The following OR56A1 variants were observed in gnomAD, a reference collection of about 807,000 sequenced individuals.
The protein encoded by OR56A1 is olfactory receptor family 56 subfamily A member 1.
For synonymous variants in OR56A1, 174 were observed against 159.1 expected (o/e 1.09, Z -0.70); for missense variants, 360 against 380.9 (o/e 0.94, Z 0.46).
chr11:6,033,460 T>A (rs1245091804), upstream of OR56A1, among the ~76,000 whole-genome samples: 1 of 151,282 alleles, frequency 6.6e-6, no homozygotes, highest in Non-Finnish European at 1.5e-5. Flanking sequence ...TGATGTGTAT[T>A]AATTTAATGT....
Position 6,019,954 on chromosome 11 carries a change from G to A in OR56A1, c.*6794C>T, listed in dbSNP as rs1268141243. On this transcript the variant is annotated 3_prime_UTR_variant, in exon 2 of 2. Coordinates refer to ENST00000641900, the MANE Select transcript of OR56A1 (RefSeq NM_001388488.1). ...AGGGATAAGCATAGGTTTAAGGAAA[G>A]TCTCTCAACCTCTTTCTTAAATAGG... is the stretch of plus-strand genomic sequence containing the variant. 1 of 152,094 alleles carries A rather than the reference G, an allele frequency of 6.6e-6. No homozygotes were observed. The highest frequency in any genetic ancestry group is 2.1e-4 in the South Asian group (1 of 4,830). The allele number at this position is 152,094 out of a possible 1,614,324, so 9.4% of individuals were successfully genotyped here. A position where few individuals can be genotyped will look rare whatever the true frequency, so the allele number is the denominator to read the frequency against.
In OR56A1 at chr11:6,026,813, C is replaced by A. The variant is rs758155249; in HGVS notation, c.880G>T (p.Val294Leu). The part of the protein sequence containing the change: ...HLIPPALNPI[V>L]YGVRTKEIKQ... ...ATCTCTTTGGTCCGAACCCCATACA[C>A]AATAGGGTTCAATGCAGGAGGAATA... Residue 294 changes from valine to leucine, a missense_variant, in exon 2 of 2, where the codon GTG becomes TTG. Physicochemically the swap from Val to Leu is conservative, Grantham distance 32 (BLOSUM62 1). Transcript: ENST00000641900. 22 of 1,613,730 alleles carry A rather than the reference C, an allele frequency of 1.4e-5. No homozygotes were observed. The Admixed American group carries it at 3.5e-4, about 26-fold the overall frequency.
In OR56A1 at chr11:6,024,720, C is replaced by A. The variant is rs1401019074; in HGVS notation, c.*2028G>T. On this transcript the variant is annotated 3_prime_UTR_variant, in exon 2 of 2. Transcript: ENST00000641900. Reference sequence around the variant, plus strand: ...CATTATAAGTATTATTTTAGAAAATCAGTGGTGAAGTTGGCCTTTATATCA... The same window carrying A: ...CATTATAAGTATTATTTTAGAAAATAAGTGGTGAAGTTGGCCTTTATATCA... The A allele has an allele frequency of 1.3e-5, 2 of 152,086 alleles. No homozygotes were observed. Among genetic ancestry groups the A allele is most frequent in the Non-Finnish European group, 1.5e-5 (1 of 68,022 alleles). The allele number at this position is 152,086 out of a possible 1,614,324, so 9.4% of individuals were successfully genotyped here.
chr11:6,028,506 G>A (rs1335399464), intron 1 of OR56A1, among the ~76,000 whole-genome samples: 1 of 151,928 alleles, frequency 6.6e-6, no homozygotes, highest in African/African-American at 2.4e-5. Flanking sequence ...CCACGTCATG[G>A]AGAAAGTAGA....
upstream of OR56A1, among the ~76,000 whole-genome samples, chr11:6,033,592 G>A (rs1485548321): frequency 6.6e-6 from 1 of 151,608 alleles, no homozygotes; most frequent in Non-Finnish European, 1.5e-5. Context: ...TTGGCAAACT[G>A]AGACACAGTC....
Position 6,028,284 on chromosome 11 carries a change from G to A in OR56A1, c.-34-558C>T, listed in dbSNP as rs147727010. On this transcript the variant is annotated intron_variant, in intron 1 of 1. Transcript: ENST00000641900. Reference sequence around the variant, plus strand: ...ACAACCTGAGCCTGAACATCCTAGTGCTCCTGGAATAAAACTGAAAAAAAA... The same window carrying A: ...ACAACCTGAGCCTGAACATCCTAGTACTCCTGGAATAAAACTGAAAAAAAA... Among the ~76,000 whole-genome samples the A allele has an allele frequency of 3.6e-3, 536 of 150,344 alleles. 4 individuals carry two copies. Among genetic ancestry groups the A allele is most frequent in the African/African-American group, 0.013 (511 of 40,868 alleles).
Position 6,023,379 on chromosome 11 carries a change from C to T in OR56A1, c.*3369G>A, listed in dbSNP as rs1014118322. The T allele has an allele frequency of 3.3e-5, 5 of 152,188 alleles. No individual in the cohort carries two copies. Among genetic ancestry groups the T allele is most frequent in the Non-Finnish European group, 5.9e-5 (4 of 68,020 alleles). 9.4% of individuals were successfully genotyped at this position (152,188 alleles called of 1,614,324 possible). A position where few individuals can be genotyped will look rare whatever the true frequency, so the allele number is the denominator to read the frequency against. ...AATGGAAAGTGTAGTATTGTTCCCT[C>T]AACAATACTTAGGTGTTTGTTTTGA... On this transcript the variant is annotated 3_prime_UTR_variant, in exon 2 of 2. Transcript: ENST00000641900.
chr11:6,033,027 T>C (rs148579934), upstream of OR56A1, among the ~76,000 whole-genome samples: 642 of 152,168 alleles, frequency 4.2e-3, 14 homozygotes, highest in Admixed American at 0.039. Flanking sequence ...TTGTTTGACA[T>C]AATCTTCATA....
intron 1 of OR56A1, among the ~76,000 whole-genome samples, chr11:6,030,352 A>G (rs985181403): frequency 6.6e-6 from 1 of 151,854 alleles, no homozygotes; most frequent in East Asian, 1.9e-4. Context: ...CTTGAACTTC[A>G]TGAGACCATA....
Position 6,027,073 on chromosome 11 carries a change from C to T in OR56A1, c.620G>A (p.Trp207Ter). ...LNRIYQFVAG[W>*]TLLGSDLFLI... is the part of the protein sequence containing the mutation. Reference sequence around the variant, plus strand: ...GAATAAATCTGAGCCCAGCAAGGTCCAACCAGCCACAAATTGGTAGATTCT... The same window carrying T: ...GAATAAATCTGAGCCCAGCAAGGTCTAACCAGCCACAAATTGGTAGATTCT... The change falls in exon 2 of 2, where the codon TGG (tryptophan) becomes TAG (stop). Residue 207 changes from tryptophan to a stop codon, truncating the protein, a stop_gained. Coordinates refer to ENST00000641900, the MANE Select transcript of OR56A1 (RefSeq NM_001388488.1). LOFTEE classifies it low-confidence loss of function (END_TRUNC). The T allele has an allele frequency of 3.7e-6, 6 of 1,614,166 alleles. No homozygotes were observed. Among genetic ancestry groups the T allele is most frequent in the Non-Finnish European group, 5.1e-6 (6 of 1,180,012 alleles).
upstream of OR56A1, among the ~76,000 whole-genome samples, chr11:6,031,468 G>A (rs1848511429): frequency 6.6e-6 from 1 of 152,242 alleles, no homozygotes; most frequent in East Asian, 1.9e-4. Flanking sequence ...AAAGAATGGC[G>A]GCCGCAATAG....
upstream of OR56A1, among the ~76,000 whole-genome samples, chr11:6,031,068 G>A (rs1215436330): frequency 6.6e-6 from 1 of 152,166 alleles, no homozygotes; most frequent in African/African-American, 2.4e-5. Flanking sequence ...TAACAACTTA[G>A]CTGAGTTTTA....
chr11:6,033,175 A>G (rs375072608), upstream of OR56A1, among the ~76,000 whole-genome samples: 17 of 152,006 alleles, frequency 1.1e-4, no homozygotes, highest in African/African-American at 3.4e-4. Flanking sequence ...CCACCCATCC[A>G]GTGTTATCAC....
upstream of OR56A1, chr11:6,034,144 T>C (rs1435444276): frequency 1.3e-5 from 2 of 152,166 alleles, no homozygotes; most frequent in Non-Finnish European, 2.9e-5. Context: ...GTGTTCAGGA[T>C]CAAAATGCAT....
chr11:6,026,964 T>G lies in OR56A1; in HGVS notation c.729A>C (p.Thr243=), dbSNP rs1287979983. 6.2e-7 allele frequency: 1 copy of G among 1,614,148 alleles called. No homozygotes were observed. The highest frequency in any genetic ancestry group is 8.5e-7 in the Non-Finnish European group (1 of 1,179,990). The change falls in exon 2 of 2, where the codon ACA becomes ACC. Residue 243 remains threonine, a synonymous_variant. Coordinates refer to ENST00000641900, the MANE Select transcript of OR56A1 (RefSeq NM_001388488.1). ...AEGAAVKALS[T]CGSHFILILF... The stretch of plus-strand genomic sequence containing the variant: ...GAATGAGGATGAAGTGGGAGCCACA[T>G]GTGCTCAGGGCCTTCACTGCCGCCC...
In OR56A1 at chr11:6,021,994, T is replaced by G. The variant is rs973867247; in HGVS notation, c.*4754A>C. Reference sequence around the variant, plus strand: ...TGGTGAAAGAGAAATCACAATGGGATCTGATGGAGAAGGCCACACACATCT... The same window carrying G: ...TGGTGAAAGAGAAATCACAATGGGAGCTGATGGAGAAGGCCACACACATCT... On this transcript the variant is annotated 3_prime_UTR_variant, in exon 2 of 2. Transcript: ENST00000641900. 1.3e-5 allele frequency: 2 copies of G among 152,138 alleles called. No homozygotes were observed. The highest frequency in any genetic ancestry group is 1.3e-4 in the Admixed American group (2 of 15,260). 9.4% of individuals were successfully genotyped at this position (152,138 alleles called of 1,614,324 possible).
chr11:6,027,752 G>T lies in OR56A1; in HGVS notation c.-34-26C>A, dbSNP rs776259431. ...CTATGTTTATGGGCAGATACAAGAG[G>T]TTATTTTTACAAATTGCTTTGAAAA... is the stretch of plus-strand genomic sequence containing the variant. On this transcript the variant is annotated intron_variant, in intron 1 of 1. Transcript: ENST00000641900. The T allele has an allele frequency of 7.5e-6, 10 of 1,333,818 alleles. No homozygotes were observed. In the Admixed American group the frequency reaches 1.8e-4, roughly 25 times the overall value. The allele number at this position is 1,333,818 out of a possible 1,614,324, so 82.6% of individuals were successfully genotyped here. A position where few individuals can be genotyped will look rare whatever the true frequency, so the allele number is the denominator to read the frequency against.
upstream of OR56A1, chr11:6,030,808 A>T (rs1037975662): frequency 1.3e-5 from 2 of 152,274 alleles, no homozygotes. Flanking sequence ...TTTCTGTAGT[A>T]CTTTGAACCA....
rs1848425249 is a variant in OR56A1 at position 6,024,277 on chromosome 11, C to A, written c.*2471G>T. ...GCTGTCTTGGTCCCTCCATCCTTTACAAATCCCTACAACAAAGTTGGTAGT... is the reference window on the plus strand; with the variant it reads ...GCTGTCTTGGTCCCTCCATCCTTTAAAAATCCCTACAACAAAGTTGGTAGT... On this transcript the variant is annotated 3_prime_UTR_variant, in exon 2 of 2. Transcript: ENST00000641900. 6.6e-6 allele frequency: 1 copy of A among 152,234 alleles called. No homozygotes were observed. Among genetic ancestry groups the A allele is most frequent in the Non-Finnish European group, 1.5e-5 (1 of 68,054 alleles). The allele number at this position is 152,234 out of a possible 1,614,324, so 9.4% of individuals were successfully genotyped here.
Sources: gnomAD v4.1 joint callset for allele counts (sites outside exome capture counted in the v4.1 genomes callset) on GRCh38, gnomAD v4.1.1 for gene constraint, MANE v1.5 for transcripts, NCBI Gene and HGNC (gene_info 2026-07-23, HGNC 2026-07-21) for gene names.